Variants in PPP3CB observed in about 807,000 individuals in gnomAD.
PPP3CB encodes protein phosphatase 3 catalytic subunit beta.
In PPP3CB, 8 loss-of-function variants were observed where a neutral mutation model predicts 66.4. That is an observed-to-expected ratio of 0.12 (90% CI 0.07 to 0.22). The LOEUF is 0.22. PPP3CB is among the 10% of genes least tolerant of loss of function. The pLI, the probability that PPP3CB is intolerant of heterozygous loss-of-function variation, is 1.00. For synonymous variants in PPP3CB, 208 were observed against 221.2 expected (o/e 0.94, Z 0.53); for missense variants, 319 against 642.5 (o/e 0.50, Z 5.44).
intron 1 of PPP3CB, among the ~76,000 whole-genome samples, chr10:73,483,585 A>G (rs770575209): frequency 1.3e-4 from 20 of 151,906 alleles, no homozygotes; most frequent in Non-Finnish European, 2.5e-4. Context: ...TGAACCGAAG[A>G]GGTGAAGGTT....
At chr10:73,486,809 A>G (rs2056986384) in intron 1 of PPP3CB, among the ~76,000 whole-genome samples, 1 of 152,028 alleles carries the variant, frequency 6.6e-6, no homozygotes, top group Admixed American at 6.6e-5. Context: ...CCACTAAGGG[A>G]AAAAAAATGC....
intron 10 of PPP3CB, among the ~76,000 whole-genome samples, chr10:73,447,525 T>C (rs1035256876): frequency 2.0e-5 from 3 of 152,080 alleles, no homozygotes; most frequent in African/African-American, 7.2e-5. Flanking sequence ...GGAAGCACCA[T>C]GGTTGAGGAG....
At chr10:73,494,270 T>C (rs1047540845) in intron 1 of PPP3CB, among the ~76,000 whole-genome samples, 7 of 151,216 alleles carry the variant, frequency 4.6e-5, no homozygotes, top group African/African-American at 1.5e-4. Context: ...TAGGTGCAAA[T>C]CAGTGTTTTG....
At chr10:73,464,351 C>A (rs1417512372) in intron 9 of PPP3CB, among the ~76,000 whole-genome samples, 1 of 152,116 alleles carries the variant, frequency 6.6e-6, no homozygotes, top group Non-Finnish European at 1.5e-5. Context: ...TCTGCAAAGA[C>A]CCATCTTACT....
At chr10:73,494,527 T>C (rs2057141064) in intron 1 of PPP3CB, among the ~76,000 whole-genome samples, 1 of 152,106 alleles carries the variant, frequency 6.6e-6, no homozygotes, top group African/African-American at 2.4e-5. Context: ...ACTCCTGAGT[T>C]CAAGCGATCC....
chr10:73,487,924 G>A (rs2057012097), intron 1 of PPP3CB, among the ~76,000 whole-genome samples: 1 of 151,918 alleles, frequency 6.6e-6, no homozygotes, highest in African/African-American at 2.4e-5. Context: ...GGGATTACAG[G>A]CGCCCACCAT....
At chr10:73,451,680 G>A (rs1360954889) in intron 10 of PPP3CB, among the ~76,000 whole-genome samples, 1 of 151,616 alleles carries the variant, frequency 6.6e-6, no homozygotes, top group Non-Finnish European at 1.5e-5. Context: ...TGAGGTGGGA[G>A]GACTGCTTGA....
chr10:73,444,162 C>T (rs1260121914), intron 12 of PPP3CB: 1 of 158,030 alleles, frequency 6.3e-6, no homozygotes, highest in African/African-American at 2.4e-5. Context: ...ACAAACACCA[C>T]AGAAAACAAA....
At chr10:73,484,240 T>A (rs1446019048) in intron 1 of PPP3CB, among the ~76,000 whole-genome samples, 1 of 152,236 alleles carries the variant, frequency 6.6e-6, no homozygotes, top group Non-Finnish European at 1.5e-5. Flanking sequence ...GTTTTGCTTT[T>A]TTTATTTCTA....
chr10:73,486,313 TTTTTC>T (rs1300694754), intron 1 of PPP3CB, among the ~76,000 whole-genome samples: 3 of 148,380 alleles, frequency 2.0e-5, no homozygotes, highest in African/African-American at 7.5e-5. Context: ...TTTTTTTTTT[TTTTTC>T]TTCTGAGACG....
chr10:73,442,813 T>C (rs1186288839), intron 12 of PPP3CB, among the ~76,000 whole-genome samples: 3 of 151,914 alleles, frequency 2.0e-5, no homozygotes, highest in African/African-American at 7.2e-5. Flanking sequence ...CCAGTGGTGG[T>C]AGTGAACAAT....
At chr10:73,461,343 G>T (rs2056517998) in intron 9 of PPP3CB, among the ~76,000 whole-genome samples, 1 of 152,140 alleles carries the variant, frequency 6.6e-6, no homozygotes, top group East Asian at 1.9e-4. Flanking sequence ...GCTATTTGGG[G>T]GTCTGAGGCA....
At chr10:73,471,723 T>C in intron 4 of PPP3CB, 110 bp from the exon 5 acceptor site, 1 of 771,144 alleles carries the variant, frequency 1.3e-6, no homozygotes, top group African/African-American at 1.8e-5. Flanking sequence ...CCTTTATATC[T>C]TATAGCTATT....
chr10:73,467,470 T>A (rs1275986590), intron 9 of PPP3CB, 83 bp downstream of exon 9: 2 of 1,161,902 alleles, frequency 1.7e-6, no homozygotes, highest in Non-Finnish European at 2.3e-6. Context: ...TTGGTTTCCT[T>A]TAGCAAGTAT....
At chr10:73,495,172 ATGC>A (rs2057167350) in intron 1 of PPP3CB, among the ~76,000 whole-genome samples, 1 of 151,294 alleles carries the variant, frequency 6.6e-6, no homozygotes, top group African/African-American at 2.4e-5. Context: ...TTTTTCGTTT[ATGC>A]TGCTTTTTCT....
intron 1 of PPP3CB, among the ~76,000 whole-genome samples, chr10:73,481,159 T>C (rs1347926881): frequency 6.7e-6 from 1 of 150,030 alleles, no homozygotes; most frequent in East Asian, 1.9e-4. Flanking sequence ...TTCCAGATTT[T>C]TTTTTCTTTT....
chr10:73,459,735 A>G (rs2056490212), intron 9 of PPP3CB, among the ~76,000 whole-genome samples: 1 of 152,240 alleles, frequency 6.6e-6, no homozygotes, highest in African/African-American at 2.4e-5. Flanking sequence ...TTCCATTTAT[A>G]TGAACTGTCC....
intron 9 of PPP3CB, among the ~76,000 whole-genome samples, chr10:73,460,880 G>A (rs938501956): frequency 2.0e-5 from 3 of 152,234 alleles, no homozygotes; most frequent in Non-Finnish European, 4.4e-5. Context: ...TTCAGAAGGT[G>A]TATGAGAAAG....
rs550582197 is a variant in PPP3CB, at chr10:73,493,133, G to A, written c.85+2672C>T. ...TGCTAAAAAATACAAAAAATTAACC[G>A]GGCATGGTGGCGCGCACCTATAATC... On this transcript the variant is annotated intron_variant, in intron 1 of 13. Coordinates refer to ENST00000360663, the MANE Select transcript of PPP3CB (RefSeq NM_021132.4). Among the ~76,000 whole-genome samples the A allele has an allele frequency of 2.8e-4, 43 of 152,002 alleles. No homozygotes were observed. The South Asian group carries it at 7.3e-3, about 26-fold the overall frequency.
Sources: gnomAD v4.1 joint callset for allele counts (sites outside exome capture counted in the v4.1 genomes callset) on GRCh38, gnomAD v4.1.1 for gene constraint, MANE v1.5 for transcripts, NCBI Gene and HGNC (gene_info 2026-07-23, HGNC 2026-07-21) for gene names.